Variants in USP16 observed in about 807,000 individuals in gnomAD.
USP16 encodes the protein ubiquitin carboxyl-terminal hydrolase 16.
In USP16, 77 loss-of-function variants were observed where a neutral mutation model predicts 95.9. The ratio of observed to expected loss-of-function variants is 0.80; its 90% CI spans 0.67 to 0.97. USP16 has a LOEUF of 0.97. USP16 is among the 50% of genes least tolerant of loss of function. USP16 has a pLI of 0.00. For missense variants in USP16, 943 were observed against 959.9 expected, an observed-to-expected ratio of 0.98 and a Z score of 0.23; for synonymous variants, 303 against 318.2, an observed-to-expected ratio of 0.95 and a Z score of 0.51.
At chr21:29,050,569 A>G (rs933582559) in intron 16 of USP16, among the ~76,000 whole-genome samples, 1 of 152,236 alleles carries the variant, frequency 6.6e-6, no homozygotes, top group Non-Finnish European at 1.5e-5. Context: ...CCATGCCTCA[A>G]CTATATTTAA....
chr21:29,042,638 A>C, intron 12 of USP16, 110 bp downstream of exon 12: 1 of 900,154 alleles, frequency 1.1e-6, no homozygotes, highest in South Asian at 1.7e-5. Flanking sequence ...CCCATGCAGA[A>C]ATTTTTCTTA....
intron 1 of USP16, among the ~76,000 whole-genome samples, chr21:29,027,515 T>A (rs1017459752): frequency 5.3e-5 from 8 of 152,248 alleles, no homozygotes; most frequent in Non-Finnish European, 8.8e-5. Context: ...GTTTTCTGAT[T>A]AAAGTGCTGC....
At chr21:29,043,690 G>C (rs111690571) in intron 13 of USP16, 91 bp downstream of exon 13, 8 of 1,185,574 alleles carry the variant, frequency 6.7e-6, no homozygotes, top group Middle Eastern at 2.3e-4. Context: ...AGACATGTCT[G>C]TTATTTTAGA....
intron 13 of USP16, 106 bp downstream of exon 13, chr21:29,043,705 G>A (rs1252661133): frequency 4.8e-6 from 5 of 1,042,370 alleles, no homozygotes; most frequent in African/African-American, 1.6e-5. Flanking sequence ...TTTAGATACA[G>A]CACTTTCATT....
intron 14 of USP16, among the ~76,000 whole-genome samples, chr21:29,047,770 C>G (rs756018676): frequency 2.0e-4 from 31 of 151,700 alleles, no homozygotes; most frequent in Non-Finnish European, 2.9e-4. Context: ...CTTATCTCCC[C>G]ATTGCTTTTT....
chr21:29,042,376 C>T, intron 11 of USP16, 96 bp from the exon 12 acceptor site: 1 of 1,225,800 alleles, frequency 8.2e-7, no homozygotes, highest in Non-Finnish European at 1.1e-6. Flanking sequence ...ATTTTAAAAC[C>T]CATCCCCTAC....
chr21:29,047,970 GTATA>G (rs144778465), intron 14 of USP16, among the ~76,000 whole-genome samples: 6 of 148,584 alleles, frequency 4.0e-5, no homozygotes, highest in African/African-American at 7.5e-5. Flanking sequence ...GTGTGTGTAT[GTATA>G]TATATATAAG....
intron 14 of USP16, 109 bp from the exon 15 acceptor site, chr21:29,048,652 A>T: frequency 2.4e-6 from 2 of 824,070 alleles, no homozygotes; most frequent in South Asian, 3.8e-5. Context: ...TCATAGAAAA[A>T]GTTTACTGAT....
At chr21:29,052,706 G>A (rs1408070417) in intron 16 of USP16, 2 of 152,166 alleles carry the variant, frequency 1.3e-5, no homozygotes, top group Non-Finnish European at 2.9e-5. Flanking sequence ...GTACAGAATA[G>A]GTGAGATGAG....
At chr21:29,053,026 A>G (rs1331782468) in intron 16 of USP16, 1 of 152,224 alleles carries the variant, frequency 6.6e-6, no homozygotes, top group Non-Finnish European at 1.5e-5. Flanking sequence ...GAGTGATGAC[A>G]AGCCCAGACT....
intron 13 of USP16, among the ~76,000 whole-genome samples, chr21:29,045,700 G>A (rs550671363): frequency 6.6e-6 from 1 of 152,184 alleles, no homozygotes; most frequent in South Asian, 2.1e-4. Flanking sequence ...ACTCTGCCTG[G>A]ATTACTTCCC....
intron 14 of USP16, among the ~76,000 whole-genome samples, chr21:29,048,011 A>G (rs887073306): frequency 1.2e-4 from 17 of 145,924 alleles, no homozygotes; most frequent in African/African-American, 4.4e-4. Flanking sequence ...AAATAGGCTT[A>G]CTTTTTGTCT....
chr21:29,040,753 C>T (rs1467852396), intron 10 of USP16, 66 bp downstream of exon 10: 12 of 797,700 alleles, frequency 1.5e-5, no homozygotes, highest in Admixed American at 6.0e-5. Context: ...GACAAGATTG[C>T]TGGCACATAT....
Position 29,037,350 on chromosome 21 carries a change from G to A in USP16, c.523G>A (p.Glu175Lys), listed in dbSNP as rs770837377. ...EKESKNEQER[E>K]KKENMAKENP... is the part of the protein sequence containing the mutation. ...AGAGAGTAAGAATGAACAAGAGAGA[G>A]AAAAGAAGGAAAACATGGCTAAAGA... Residue 175 changes from glutamate to lysine, a missense_variant, in exon 6 of 18, where the codon GAA (glutamate) becomes AAA (lysine). Transcript: ENST00000399976. 5.1e-5 allele frequency: 81 copies of A among 1,603,932 alleles called. No homozygotes were observed. The highest frequency in any genetic ancestry group is 6.1e-5 in the Non-Finnish European group (71 of 1,173,458).
intron 6 of USP16, 116 bp downstream of exon 6, chr21:29,037,579 C>CT (rs71189336): frequency 0.015 from 2,813 of 183,810 alleles, 54 homozygotes; most frequent in African/African-American, 0.038. Flanking sequence ...CCAAAGAAAA[C>CT]TTTTTTTTTT....
chr21:29,043,400 A>G, intron 12 of USP16, 23 bp from the exon 13 acceptor site: 1 of 1,394,334 alleles, frequency 7.2e-7, no homozygotes, highest in South Asian at 2.0e-5. Context: ...TTTGTTTTTG[A>G]CCTATGTTAT....
intron 13 of USP16, among the ~76,000 whole-genome samples, chr21:29,044,039 T>C (rs2085284742): frequency 6.6e-6 from 1 of 152,026 alleles, no homozygotes; most frequent in Admixed American, 6.6e-5. Context: ...TTCAAGCAAT[T>C]CTCGTGCCTC....
rs776454055 is a variant in USP16 at position 29,030,762 on chromosome 21, T to A, written c.229T>A (p.Cys77Ser). ...GCCTTCAGTTTGGCTGTGTCTTAAATGTGGCCATCAGGTATGCTTACGTTT... is the reference window on the plus strand; with the variant it reads ...GCCTTCAGTTTGGCTGTGTCTTAAAAGTGGCCATCAGGTATGCTTACGTTT... ...EKPSVWLCLKCGHQGCGRNSQ... is the reference protein window; with the variant it reads ...EKPSVWLCLKSGHQGCGRNSQ... The change falls in exon 3 of 18, where the codon TGT becomes AGT. Residue 77 changes from cysteine to serine, a missense_variant. Cys to Ser is a moderately radical substitution (Grantham distance 112, BLOSUM62 -1). Transcript: ENST00000399976. 3 of 1,606,596 alleles carry A rather than the reference T, an allele frequency of 1.9e-6. No individual in the cohort carries two copies. Among genetic ancestry groups the A allele is most frequent in the Admixed American group, 3.5e-5 (2 of 57,712 alleles).
intron 1 of USP16, chr21:29,025,844 G>C (rs1347838506): frequency 4.1e-6 from 2 of 493,402 alleles, no homozygotes; most frequent in Non-Finnish European, 5.3e-6. Flanking sequence ...CATTATGCTA[G>C]ATATTATAGG....
Sources: gnomAD v4.1 joint callset for allele counts (sites outside exome capture counted in the v4.1 genomes callset) on GRCh38, gnomAD v4.1.1 for gene constraint, MANE v1.5 for transcripts, NCBI Gene and HGNC (gene_info 2026-07-23, HGNC 2026-07-21) for gene names.